SLX4IP: variants seen among roughly 807,000 people sequenced by gnomAD.
SLX4IP encodes protein SLX4IP.
SLX4IP carries 34 observed loss-of-function variants against 32.9 expected under a neutral mutation model. The ratio of observed to expected loss-of-function variants is 1.03; its 90% CI spans 0.79 to 1.38. The LOEUF (loss-of-function observed/expected upper bound fraction) is 1.38, where lower values mean the gene tolerates loss of function less well. SLX4IP is among the 40% of genes most tolerant of loss of function. The probability of loss-of-function intolerance (pLI) is 0.00; values close to 1 mark genes in which losing one functional copy is unlikely to be tolerated. For synonymous variants in SLX4IP, 172 were observed against 171.7 expected, an observed-to-expected ratio of 1.00 and a Z score of -0.01; for missense variants, 444 against 479.0, an observed-to-expected ratio of 0.93 and a Z score of 0.68.
chr20:10,620,640 G>A lies in SLX4IP; in HGVS notation c.406-674G>A, dbSNP rs993328822. 4.6e-5 allele frequency among the ~76,000 whole-genome samples: 7 copies of A among 151,974 alleles called. No individual in the cohort carries two copies. The South Asian group carries it at 6.2e-4, about 14-fold the overall frequency. ...GCCATCTCGGCTCACTGCAAGCTCC[G>A]CCTCCCGGGTTCACGCCATTCTCCT... On this transcript the variant is annotated intron_variant, in intron 6 of 7. Coordinates refer to ENST00000334534, the MANE Select transcript of SLX4IP (RefSeq NM_001009608.3).
intron 4 of SLX4IP, among the ~76,000 whole-genome samples, chr20:10,594,845 T>G (rs1004794152): frequency 1.3e-5 from 2 of 152,200 alleles, no homozygotes; most frequent in African/African-American, 4.8e-5. Context: ...AATAAAATAG[T>G]AGGAGGACTG....
At chr20:10,597,533 C>G (rs1308727687) in intron 4 of SLX4IP, among the ~76,000 whole-genome samples, 1 of 152,230 alleles carries the variant, frequency 6.6e-6, no homozygotes, top group Non-Finnish European at 1.5e-5. Context: ...ATTTACTCTT[C>G]TGGATCAGGC....
At chr20:10,505,020 T>C (rs2065747414) in intron 2 of SLX4IP, among the ~76,000 whole-genome samples, 1 of 152,218 alleles carries the variant, frequency 6.6e-6, no homozygotes. Flanking sequence ...AATAACAGTT[T>C]GTGCATTTGG....
intron 5 of SLX4IP, among the ~76,000 whole-genome samples, chr20:10,599,712 T>C (rs942999850): frequency 7.2e-5 from 11 of 152,212 alleles, no homozygotes; most frequent in Non-Finnish European, 1.5e-4. Flanking sequence ...TATACTGCTT[T>C]CTTAACAGGT....
chr20:10,585,114 G>A (rs2066630739), intron 4 of SLX4IP, among the ~76,000 whole-genome samples: 1 of 152,198 alleles, frequency 6.6e-6, no homozygotes, highest in South Asian at 2.1e-4. Context: ...TGAAGCTCCT[G>A]TGTTGTTTTC....
intron 1 of SLX4IP, among the ~76,000 whole-genome samples, chr20:10,457,078 A>G (rs543551970): frequency 6.6e-6 from 1 of 152,212 alleles, no homozygotes; most frequent in South Asian, 2.1e-4. Context: ...ATATCCTACA[A>G]CCTTGCTGAA....
intron 2 of SLX4IP, among the ~76,000 whole-genome samples, chr20:10,460,569 C>T (rs570124515): frequency 2.1e-3 from 313 of 152,294 alleles, no homozygotes; most frequent in African/African-American, 7.3e-3. Context: ...GCATCTACCC[C>T]GGTGGCTGAG....
At chr20:10,582,917 T>C (rs2066601516) in intron 4 of SLX4IP, among the ~76,000 whole-genome samples, 2 of 152,264 alleles carry the variant, frequency 1.3e-5, no homozygotes, top group South Asian at 2.1e-4. Flanking sequence ...TATATTAATA[T>C]AAATATTTAG....
rs998968057 is a variant in SLX4IP, at chr20:10,570,823, C to T, written c.238+10003C>T. Among the ~76,000 whole-genome samples the T allele has an allele frequency of 1.3e-4, 20 of 152,188 alleles. 1 individual carries two copies. The highest frequency in any genetic ancestry group is 9.8e-4 in the Admixed American group (15 of 15,296). ...GGATTACAGGCGTGAGCCACCACGC[C>T]CAGCCACATGCACACTTGTTTTTTG... On this transcript the variant is annotated intron_variant, in intron 4 of 7. Transcript: ENST00000334534.
At chr20:10,455,862 C>A (rs959702328) in intron 1 of SLX4IP, among the ~76,000 whole-genome samples, 1 of 152,058 alleles carries the variant, frequency 6.6e-6, no homozygotes, top group African/African-American at 2.4e-5. Context: ...TTGCTAGCCT[C>A]GGCCTCCCAA....
chr20:10,464,815 C>A (rs948746687), intron 2 of SLX4IP, among the ~76,000 whole-genome samples: 7 of 110,248 alleles, frequency 6.3e-5, no homozygotes, highest in African/African-American at 1.9e-4. Context: ...GCCTTGAATT[C>A]TTTTTTTTAA....
chr20:10,527,814 T>C (rs911836991), intron 2 of SLX4IP, among the ~76,000 whole-genome samples: 1 of 152,246 alleles, frequency 6.6e-6, no homozygotes, highest in Non-Finnish European at 1.5e-5. Flanking sequence ...AGTTTGTCAG[T>C]GATTTCTTTC....
intron 2 of SLX4IP, among the ~76,000 whole-genome samples, chr20:10,489,770 G>A (rs2122394544): frequency 6.6e-6 from 1 of 152,314 alleles, no homozygotes; most frequent in Non-Finnish European, 1.5e-5. Context: ...CTCAGTGAGA[G>A]GGAAAGGGAA....
intron 4 of SLX4IP, among the ~76,000 whole-genome samples, chr20:10,569,497 T>C (rs532359413): frequency 1.3e-5 from 2 of 151,990 alleles, no homozygotes; most frequent in Non-Finnish European, 2.9e-5. Context: ...TGTTATACAG[T>C]GTATTGGTTT....
At chr20:10,604,006 G>C (rs188697023) in intron 6 of SLX4IP, among the ~76,000 whole-genome samples, 17 of 152,350 alleles carry the variant, frequency 1.1e-4, no homozygotes, top group African/African-American at 3.8e-4. Flanking sequence ...CCTTCTGCCT[G>C]AGAGAAGGCA....
chr20:10,504,921 A>G (rs1427497280), intron 2 of SLX4IP, among the ~76,000 whole-genome samples: 2 of 152,112 alleles, frequency 1.3e-5, no homozygotes, highest in Non-Finnish European at 2.9e-5. Context: ...AAGACTCTGT[A>G]AAAGAAACTG....
At position 10,448,370 on chromosome 20, in the gene SLX4IP, T is replaced by G. The variant is rs73896556; in HGVS notation, c.-29-9806T>G. 4.6e-3 allele frequency among the ~76,000 whole-genome samples: 697 copies of G among 152,268 alleles called. 7 individuals are homozygous for G. Among genetic ancestry groups the G allele is most frequent in the African/African-American group, 0.016 (654 of 41,540 alleles). ...TGGTCAACCTTTCCAACTCCACTGT[T>G]TTTTTGAGGTGGGAAGAATTAAATG... is the stretch of plus-strand genomic sequence containing the variant. On this transcript the variant is annotated intron_variant, in intron 1 of 7. Transcript: ENST00000334534.
chr20:10,556,002 G>C (rs2066263200), intron 2 of SLX4IP, among the ~76,000 whole-genome samples: 1 of 152,166 alleles, frequency 6.6e-6, no homozygotes, highest in Non-Finnish European at 1.5e-5. Flanking sequence ...TGTCTTTCCT[G>C]TCTTGATTAA....
At chr20:10,559,442 C>T (rs921690391) in intron 3 of SLX4IP, among the ~76,000 whole-genome samples, 3 of 152,128 alleles carry the variant, frequency 2.0e-5, no homozygotes, top group Non-Finnish European at 2.9e-5. Context: ...AGAGATCAAC[C>T]TGAGATGACA....
Sources: allele counts gnomAD v4.1 joint callset (sites outside exome capture counted in the v4.1 genomes callset), GRCh38; gene constraint gnomAD v4.1.1; transcripts MANE v1.5; gene names NCBI Gene and HGNC (gene_info 2026-07-23, HGNC 2026-07-21).